The following TNRC6C variants were observed in gnomAD, a reference collection of about 807,000 sequenced individuals.
TNRC6C encodes the protein trinucleotide repeat containing adaptor 6C.
A neutral mutation model predicts 153.7 loss-of-function variants in TNRC6C; 20 were observed. That is an observed-to-expected ratio of 0.13 (90% CI 0.09 to 0.19). The LOEUF (loss-of-function observed/expected upper bound fraction) is 0.19, where lower values mean the gene tolerates loss of function less well. TNRC6C is among the 10% of genes least tolerant of loss of function. The probability of loss-of-function intolerance (pLI) is 1.00; values close to 1 mark genes in which losing one functional copy is unlikely to be tolerated. For synonymous variants in TNRC6C, 811 were observed against 841.4 expected, an observed-to-expected ratio of 0.96 and a Z score of 0.63; for missense variants, 1,987 against 2,172.0, an observed-to-expected ratio of 0.91 and a Z score of 1.69.
chr17:77,967,402 G>A lies in TNRC6C; in HGVS notation c.-38+8134G>A, dbSNP rs555712241. On this transcript the variant is annotated intron_variant, in intron 1 of 22. Coordinates refer to the TNRC6C transcript ENST00000636222. ...GAGATATTGCTTCCACAAGTCATGC[G>A]GGGGGGGAGAGAAGATTGATAATTG... 6.2e-5 allele frequency among the ~76,000 whole-genome samples: 8 copies of A among 129,962 alleles called. No individual in the cohort carries two copies. The East Asian group carries it at 6.3e-4, about 10-fold the overall frequency. 85.3% of individuals were successfully genotyped at this position (129,962 alleles called of 152,430 possible).
intron 1 of TNRC6C, among the ~76,000 whole-genome samples, chr17:77,985,470 C>T (rs1353259174): frequency 3.3e-5 from 5 of 151,592 alleles, no homozygotes; most frequent in South Asian, 2.1e-4. Context: ...GGTGTGGTGG[C>T]GGGCGCCTGT....
chr17:77,967,402 G>T (rs555712241), intron 1 of TNRC6C, among the ~76,000 whole-genome samples: 1 of 129,888 alleles, frequency 7.7e-6, no homozygotes, highest in African/African-American at 3.6e-5. Context: ...CAAGTCATGC[G>T]GGGGGGGAGA....
chr17:77,991,508 T>TTGTTTTG, intron 1 of TNRC6C, among the ~76,000 whole-genome samples: 6 of 152,154 alleles, frequency 3.9e-5, no homozygotes, highest in Non-Finnish European at 8.8e-5. Context: ...TGAACAGAAA[T>TTGTTTTG]AATACGTAAA....
chr17:78,002,306 A>C, upstream of TNRC6C, among the ~76,000 whole-genome samples: 1 of 152,172 alleles, frequency 6.6e-6, no homozygotes, highest in South Asian at 2.1e-4. Flanking sequence ...GATTCTTCTC[A>C]GGGCCGCAGA....
intron 13 of TNRC6C, among the ~76,000 whole-genome samples, chr17:78,087,533 C>G (rs2073318817): frequency 6.6e-6 from 1 of 152,126 alleles, no homozygotes. Context: ...TCAGAGCCCC[C>G]AAAATCTCAT....
intron 1 of TNRC6C, among the ~76,000 whole-genome samples, chr17:77,991,355 G>T (rs1186936841): frequency 6.6e-6 from 1 of 152,130 alleles, no homozygotes; most frequent in African/African-American, 2.4e-5. Flanking sequence ...GCCATCCACT[G>T]GTTCCAGAGA....
chr17:78,044,454 G>A (rs140630411), intron 2 of TNRC6C, among the ~76,000 whole-genome samples: 1 of 152,286 alleles, frequency 6.6e-6, no homozygotes, highest in Non-Finnish European at 1.5e-5. Context: ...GGTACGCCTT[G>A]CCTTCATGGT....
chr17:78,086,910 G>A (rs2073302623), exon 13 of TNRC6C: 1 of 1,612,418 alleles, frequency 6.2e-7, no homozygotes, highest in Non-Finnish European at 8.5e-7. Flanking sequence ...GCGCCAGCTG[G>A]CCCAGGCCCT....
At chr17:78,093,578 G>C (rs368842347) in intron 15 of TNRC6C, 42 bp from the exon 18 acceptor site, 10 of 1,607,808 alleles carry the variant, frequency 6.2e-6, no homozygotes, top group Non-Finnish European at 8.5e-6. Flanking sequence ...TCAATGTGCC[G>C]GTGTTCTGAT....
chr17:77,970,442 T>G (rs1192589632), intron 1 of TNRC6C, among the ~76,000 whole-genome samples: 1 of 152,060 alleles, frequency 6.6e-6, no homozygotes, highest in Non-Finnish European at 1.5e-5. Flanking sequence ...AAAGACAGGG[T>G]CTTCCTATGT....
At chr17:78,013,020 A>T (rs1186029005) in intron 1 of TNRC6C, among the ~76,000 whole-genome samples, 1 of 152,210 alleles carries the variant, frequency 6.6e-6, no homozygotes, top group African/African-American at 2.4e-5. Context: ...TTTGCTATGA[A>T]AGCAAGGACA....
intron 13 of TNRC6C, 144 bp from the exon 16 acceptor site, chr17:78,091,296 A>C: frequency 2.1e-6 from 2 of 940,124 alleles, no homozygotes; most frequent in Non-Finnish European, 1.4e-6. Context: ...ATTGCACTCC[A>C]GCCTGGGCAT....
chr17:78,036,930 A>G (rs547188474), intron 2 of TNRC6C, among the ~76,000 whole-genome samples: 13 of 152,156 alleles, frequency 8.5e-5, no homozygotes, highest in South Asian at 8.3e-4. Flanking sequence ...TTAAAAAAAA[A>G]AAAGAAAGAA....
At chr17:77,959,807 C>T (rs923032605) in intron 1 of TNRC6C, among the ~76,000 whole-genome samples, 1 of 152,174 alleles carries the variant, frequency 6.6e-6, no homozygotes, top group African/African-American at 2.4e-5. Context: ...ACGAGCCGTA[C>T]AACATCTGTC....
At chr17:78,000,015 G>C (rs1346590140), upstream of TNRC6C, among the ~76,000 whole-genome samples, 3 of 152,208 alleles carry the variant, frequency 2.0e-5, no homozygotes, top group Non-Finnish European at 4.4e-5. Flanking sequence ...AGACCATAGA[G>C]TCTGTCAAGC....
chr17:77,973,541 G>T (rs541714333), intron 1 of TNRC6C, among the ~76,000 whole-genome samples: 27 of 152,116 alleles, frequency 1.8e-4, no homozygotes, highest in Non-Finnish European at 3.1e-4. Flanking sequence ...GAAAGGAAGC[G>T]GTGAAACCGT....
intron 17 of TNRC6C, among the ~76,000 whole-genome samples, chr17:78,100,204 G>A (rs144348060): frequency 2.1e-4 from 32 of 152,314 alleles, no homozygotes; most frequent in African/African-American, 7.0e-4. Flanking sequence ...TCTAGAGGAC[G>A]GTGACCTTCT....
intron 6 of TNRC6C, 24 bp downstream of exon 8, chr17:78,071,189 CT>C: frequency 6.3e-7 from 1 of 1,580,734 alleles, no homozygotes; most frequent in Non-Finnish European, 8.6e-7. Context: ...TAGTTTACTG[CT>C]ACCCACCATG....
intron 1 of TNRC6C, among the ~76,000 whole-genome samples, chr17:78,017,890 G>A (rs1046985789): frequency 6.6e-6 from 1 of 152,100 alleles, no homozygotes; most frequent in African/African-American, 2.4e-5. Flanking sequence ...ACTCTACCTC[G>A]CTAACCCTGA....
Sources: gnomAD v4.1 joint callset for allele counts (sites outside exome capture counted in the v4.1 genomes callset) on GRCh38, gnomAD v4.1.1 for gene constraint, MANE v1.5 for transcripts, NCBI Gene and HGNC (gene_info 2026-07-23, HGNC 2026-07-21) for gene names.